CHD8: variants seen among roughly 807,000 people sequenced by gnomAD.
CHD8 encodes chromodomain helicase DNA binding protein 8.
CHD8 carries 31 observed loss-of-function variants against 279.2 expected under a neutral mutation model. The ratio of observed to expected loss-of-function variants is 0.11; its 90% confidence interval spans 0.08 to 0.15. The LOEUF (loss-of-function observed/expected upper bound fraction) is 0.15, where lower values mean the gene tolerates loss of function less well. Among genes scored for constraint, CHD8 ranks in the 10% least tolerant of loss-of-function variants. The pLI, the probability that CHD8 is intolerant of heterozygous loss-of-function variation, is 1.00. For synonymous variants in CHD8, 1,081 were observed against 1,139.6 expected (o/e 0.95, Z 1.04); for missense variants, 2,146 against 3,230.5 (o/e 0.66, Z 8.14).
intron 10 of CHD8, among the ~76,000 whole-genome samples, chr14:21,410,271 GAA>G (rs963272700): frequency 6.8e-6 from 1 of 147,100 alleles, no homozygotes; most frequent in Non-Finnish European, 1.5e-5. Context: ...CTAAACAGAT[GAA>G]AAAAAAAAGA....
chr14:21,452,126 C>T (rs1466918756), intron 1 of CHD8, among the ~76,000 whole-genome samples: 14 of 152,112 alleles, frequency 9.2e-5, no homozygotes, highest in Admixed American at 2.0e-4. Context: ...CTGCCATCTC[C>T]GCCTCCCTGG....
At chr14:21,393,448 G>T in intron 32 of CHD8, 28 bp downstream of exon 32, 1 of 1,526,898 alleles carries the variant, frequency 6.5e-7, no homozygotes, top group Non-Finnish European at 8.8e-7. Context: ...ATAGGGAAGG[G>T]GGCCAACAGC....
Position 21,402,551 on chromosome 14 carries a change from T to C in CHD8, c.3715-48A>G, listed in dbSNP as rs1354155298. 7 of 1,511,226 alleles carry C rather than the reference T, an allele frequency of 4.6e-6. No homozygotes were observed. The highest frequency in any genetic ancestry group is 6.2e-6 in the Non-Finnish European group (7 of 1,125,324). The allele number at this position is 1,511,226 out of a possible 1,614,324, so 93.6% of individuals were successfully genotyped here. A position where few individuals can be genotyped will look rare whatever the true frequency, so the allele number is the denominator to read the frequency against. On this transcript the variant is annotated intron_variant, in intron 18 of 37. Transcript: ENST00000646647. The surrounding 1 kb of genome is among the most constrained non-coding windows in gnomAD (Gnocchi z 4.5). Reference sequence around the variant, plus strand: ...GGAAAGGAGAAAGATATCATAAAATTAGCAAGGGAAAGGATACAAAATACC... The same window carrying C: ...GGAAAGGAGAAAGATATCATAAAATCAGCAAGGGAAAGGATACAAAATACC...
At chr14:21,428,333 G>A in intron 3 of CHD8, 79 bp from the exon 4 acceptor site, 1 of 1,313,634 alleles carries the variant, frequency 7.6e-7, no homozygotes, top group Non-Finnish European at 1.1e-6. Context: ...GAAGCAGGGG[G>A]GCTAGAAACT....
In CHD8 at chr14:21,391,474, G is replaced by A. The variant is rs756631600; in HGVS notation, c.7054C>T (p.Arg2352Ter). 1.2e-6 allele frequency: 2 copies of A among 1,613,666 alleles called. No homozygotes were observed. The highest frequency in any genetic ancestry group is 2.2e-5 in the South Asian group (2 of 91,024). ...GGACTGCCACTCACCGCTAGAAATC[G>A]GGGATCAACAGCAAACTCTGGATGA... ...QGHPEFAVDP[R>*]FLAYMEDRRK... Residue 2352 changes from arginine to a stop codon, truncating the protein, a stop_gained, in exon 36 of 38, where the codon CGA (arginine) becomes TGA (stop). Coordinates refer to ENST00000646647, the MANE Select transcript of CHD8 (RefSeq NM_001170629.2). LOFTEE classifies it high-confidence loss of function.
At chr14:21,422,266 G>A (rs945227116) in intron 5 of CHD8, among the ~76,000 whole-genome samples, 10 of 152,096 alleles carry the variant, frequency 6.6e-5, no homozygotes, top group African/African-American at 1.4e-4. Context: ...ACTTGAACCC[G>A]GGAGGTGGAG....
rs1887681852 is a variant in CHD8, at chr14:21,394,395, A to G, written c.5481T>C (p.Asp1827=). 6.2e-7 allele frequency: 1 copy of G among 1,613,940 alleles called. No individual in the cohort carries two copies. Among genetic ancestry groups the G allele is most frequent in the Non-Finnish European group, 8.5e-7 (1 of 1,179,858 alleles). The change falls in exon 31 of 38, where the codon GAT becomes GAC. Residue 1827 remains aspartate, a synonymous_variant. Coordinates refer to ENST00000646647, the MANE Select transcript of CHD8 (RefSeq NM_001170629.2). ...YDPDTMQFHW[D]RFRTFARLDK... ...CTAGTCGAGCAAAAGTGCGGAAGCGATCCCAATGGAACTGCATGGTGTCAG... is the reference window on the plus strand; with the variant it reads ...CTAGTCGAGCAAAAGTGCGGAAGCGGTCCCAATGGAACTGCATGGTGTCAG...
intron 7 of CHD8, 121 bp downstream of exon 7, chr14:21,415,453 C>G (rs535431806): frequency 7.8e-4 from 376 of 482,292 alleles, no homozygotes; most frequent in Non-Finnish European, 1.1e-3. Context: ...ACGATCATAT[C>G]TATGAATAGC....
chr14:21,415,845 G>A lies in CHD8; in HGVS notation c.1779C>T (p.Ile593=). The A allele has an allele frequency of 6.2e-7, 1 of 1,613,916 alleles. No homozygotes were observed. The highest frequency in any genetic ancestry group is 8.5e-7 in the Non-Finnish European group (1 of 1,179,846). The change falls in exon 6 of 38, where the codon ATC becomes ATT. Residue 593 remains isoleucine, a synonymous_variant. Coordinates refer to ENST00000646647, the MANE Select transcript of CHD8 (RefSeq NM_001170629.2). ...KKYTEDLDIK[I]TDDEEEEEVD... ...CCTCTTCTTCTTCTTCATCATCTGT[G>A]ATCTTTATATCCAGGTCCTCTGTAT... is the stretch of plus-strand genomic sequence containing the variant.
intron 5 of CHD8, among the ~76,000 whole-genome samples, chr14:21,417,945 A>G (rs1888817991): frequency 6.7e-6 from 1 of 150,104 alleles, no homozygotes; most frequent in East Asian, 1.9e-4. Flanking sequence ...TAGATTTATA[A>G]TACCAAATGT....
intron 37 of CHD8, among the ~76,000 whole-genome samples, chr14:21,390,081 A>G (rs541929116): frequency 2.0e-5 from 3 of 152,172 alleles, no homozygotes; most frequent in African/African-American, 7.2e-5. Context: ...CTAAAAATAC[A>G]AAGAATTAGC....
rs553367989 is a variant in CHD8, at chr14:21,428,145, C to A, written c.1325G>T (p.Gly442Val). The change falls in exon 4 of 38, where the codon GGA (glycine) becomes GTA (valine). Residue 442 changes from glycine to valine, a missense_variant. This residue lies in a region of CHD8 where 170 missense variants were observed against 189.9 expected (regional missense o/e 0.90). Transcript: ENST00000646647. ...GCGGTTTTCCTCCATTCCTGTCTTT[C>A]CCCCCGAATGAGGAGCAGAGCTTGC... ...SPASSAPHSG[G>V]KTGMEENRRL... The A allele has an allele frequency of 1.3e-5, 21 of 1,613,844 alleles. No homozygotes were observed. The highest frequency in any genetic ancestry group is 1.6e-5 in the Non-Finnish European group (19 of 1,179,864).
Position 21,395,113 on chromosome 14 carries a change from A to T in CHD8, c.5189T>A (p.Val1730Glu), listed in dbSNP as rs775909020. ...GAATAAATGGCCTGGCTGTTGGGTC[A>T]CCTGGGCTGTGGAAAACAAAGTAGA... is the stretch of plus-strand genomic sequence containing the variant. ...ISVIDGDEAQ[V>E]TQQPGHLFWP... The change falls in exon 30 of 38, where the codon GTG becomes GAG. Residue 1730 changes from valine (V) to glutamate (E), a missense_variant. By Grantham distance (121) the Val-to-Glu change is moderately radical (BLOSUM62 -2). Around this residue, in one of 26 missense-constraint regions of CHD8, gnomAD observed 75 missense variants for 81.3 expected, o/e 0.92. Transcript: ENST00000646647. 3 of 1,613,342 alleles carry T rather than the reference A, an allele frequency of 1.9e-6. No homozygotes were observed. The highest frequency in any genetic ancestry group is 2.5e-6 in the Non-Finnish European group (3 of 1,179,646).
intron 9 of CHD8, among the ~76,000 whole-genome samples, chr14:21,413,513 G>C (rs1411893340): frequency 6.6e-6 from 1 of 151,004 alleles, no homozygotes; most frequent in African/African-American, 2.4e-5. Flanking sequence ...TCCTGCTTCA[G>C]CCTCCCGAGT....
At chr14:21,436,696 C>G (rs1326229373) in intron 1 of CHD8, among the ~76,000 whole-genome samples, 1 of 152,114 alleles carries the variant, frequency 6.6e-6, no homozygotes, top group Admixed American at 6.6e-5. Flanking sequence ...GAATATAAGG[C>G]TGGTAAAGTA....
intron 1 of CHD8, among the ~76,000 whole-genome samples, chr14:21,452,261 C>T (rs536875697): frequency 6.6e-6 from 1 of 152,050 alleles, no homozygotes; most frequent in Non-Finnish European, 1.5e-5. Flanking sequence ...CTAGGATGCC[C>T]GCCTTGGCCT....
intron 8 of CHD8, 112 bp downstream of exon 8, chr14:21,414,826 C>A: frequency 1.3e-6 from 1 of 755,752 alleles, no homozygotes; most frequent in East Asian, 2.7e-5. Flanking sequence ...AAAACAGCAA[C>A]CTGGGCTACA....
intron 5 of CHD8, among the ~76,000 whole-genome samples, chr14:21,417,851 CAA>C (rs59449804): frequency 0.53 from 60,469 of 115,082 alleles, 15,315 homozygotes; most frequent in East Asian, 0.72. Context: ...GAGACTCTCT[CAA>C]AAAAAAAAAA....
chr14:21,389,109 G>A (rs1358799128), intron 37 of CHD8, among the ~76,000 whole-genome samples: 1 of 151,920 alleles, frequency 6.6e-6, no homozygotes, highest in Non-Finnish European at 1.5e-5. Context: ...AGACCAGCCT[G>A]ACCAACATGG....
Sources: gnomAD v4.1 joint callset for allele counts (sites outside exome capture counted in the v4.1 genomes callset) on GRCh38, gnomAD v4.1.1 for gene constraint, gnomAD v4.1.1 regional missense constraint, Gnocchi (gnomAD v3.1) non-coding constraint, MANE v1.5 for transcripts, NCBI Gene and HGNC (gene_info 2026-07-23, HGNC 2026-07-21) for gene names.